DHX9: variants seen among roughly 807,000 people sequenced by gnomAD.
DHX9 encodes ATP-dependent RNA helicase A.
DHX9 carries 27 observed loss-of-function variants against 148.7 expected under a neutral mutation model. The ratio of observed to expected loss-of-function variants is 0.18; its 90% CI spans 0.13 to 0.25. DHX9 has a LOEUF of 0.25. Among genes scored for constraint, DHX9 ranks in the 10% least tolerant of loss-of-function variants. DHX9 has a pLI of 1.00. For synonymous variants in DHX9, 529 were observed against 516.6 expected (o/e 1.02, Z -0.33); for missense variants, 796 against 1,559.6 (o/e 0.51, Z 8.25).
chr1:182,884,670 C>A lies in DHX9; in HGVS notation c.3318C>A (p.Ala1106=). The stretch of plus-strand genomic sequence containing the variant: ...CCTGTATCACTGGTCTCCGGGCAGC[C>A]ATGGAGGCTTTGGTTGTTGAAGTAA... ...AAACITGLRA[A]MEALVVEVTK... The change falls in exon 27 of 28, where the codon GCC becomes GCA. Residue 1106 remains alanine, a synonymous_variant. Coordinates refer to ENST00000367549, the MANE Select transcript of DHX9 (RefSeq NM_001357.5). The A allele has an allele frequency of 1.2e-6, 2 of 1,614,120 alleles. No homozygotes were observed. Among genetic ancestry groups the A allele is most frequent in the Non-Finnish European group, 1.7e-6 (2 of 1,180,022 alleles).
At chr1:182,851,591 T>C (rs563005315) in intron 3 of DHX9, among the ~76,000 whole-genome samples, 1 of 152,294 alleles carries the variant, frequency 6.6e-6, no homozygotes, top group South Asian at 2.1e-4. Context: ...GTTCATCCCA[T>C]CTAGTTAAGG....
At chr1:182,873,263 C>A (rs1204011062) in intron 15 of DHX9, among the ~76,000 whole-genome samples, 1 of 152,130 alleles carries the variant, frequency 6.6e-6, no homozygotes, top group Admixed American at 6.5e-5. Flanking sequence ...GCCTTCTTTA[C>A]TGTCTTTAGG....
At chr1:182,852,031 C>T (rs1331881367) in intron 3 of DHX9, among the ~76,000 whole-genome samples, 1 of 152,074 alleles carries the variant, frequency 6.6e-6, no homozygotes, top group Non-Finnish European at 1.5e-5. Flanking sequence ...ACAGGTTGTT[C>T]CCAGTGGATT....
At chr1:182,856,504 C>G (rs551876942) in intron 6 of DHX9, 28 bp from the exon 7 acceptor site, 2 of 1,610,138 alleles carry the variant, frequency 1.2e-6, no homozygotes, top group Non-Finnish European at 1.7e-6. Context: ...AGTGAAATTT[C>G]TAACCTTGCT....
rs756348781 is a variant in DHX9, at chr1:182,887,366, C to T, written c.3745C>T (p.Arg1249Ter). Residue 1249 changes from arginine (R) to a stop codon, truncating the protein, a stop_gained, in exon 28 of 28, where the codon CGA (arginine) becomes TGA (stop). Transcript: ENST00000367549. LOFTEE classifies it high-confidence loss of function. Reference sequence around the variant, plus strand: ...CTACAGAGGATCTGGGGGATTCCAGCGAGGAGGTGGTAGGGGGGCCTATGG... The same window carrying T: ...CTACAGAGGATCTGGGGGATTCCAGTGAGGAGGTGGTAGGGGGGCCTATGG... Reference protein sequence around the residue: ...GGYRGSGGFQRGGGRGAYGTG... With the variant: ...GGYRGSGGFQ 5 of 1,613,564 alleles carry T rather than the reference C, an allele frequency of 3.1e-6. No homozygotes were observed. Among genetic ancestry groups the T allele is most frequent in the Non-Finnish European group, 4.2e-6 (5 of 1,179,940 alleles).
intron 14 of DHX9, among the ~76,000 whole-genome samples, chr1:182,867,798 A>T (rs1388197019): frequency 6.6e-6 from 1 of 152,178 alleles, no homozygotes; most frequent in African/African-American, 2.4e-5. Context: ...AAGAAACTAG[A>T]ATTTATTTCC....
chr1:182,859,124 C>G lies in DHX9; in HGVS notation c.1140+7C>G, dbSNP rs1668308764. 10 of 1,612,382 alleles carry G rather than the reference C, an allele frequency of 6.2e-6. No homozygotes were observed. The highest frequency in any genetic ancestry group is 8.5e-6 in the Non-Finnish European group (10 of 1,178,612). On this transcript the variant is annotated splice_region_variant and intron_variant, in intron 11 of 27. Transcript: ENST00000367549. ...GGATCATGATTTGCAAGCAGTAAGT[C>G]TGAATTATTTAGACAAGTAGTGCTC...
chr1:182,858,703 T>C, intron 9 of DHX9, 30 bp from the exon 10 acceptor site: 1 of 1,612,860 alleles, frequency 6.2e-7, no homozygotes, highest in Non-Finnish European at 8.5e-7. Flanking sequence ...CAAATCATAT[T>C]TTTTGTTTGT....
chr1:182,880,615 G>A lies in DHX9; in HGVS notation c.2624+7G>A, dbSNP rs373611876. The A allele has an allele frequency of 2.8e-5, 43 of 1,562,920 alleles. No individual in the cohort carries two copies. Among genetic ancestry groups the A allele is most frequent in the Non-Finnish European group, 3.6e-5 (41 of 1,134,814 alleles). ...TAATGGGGTGTATTTTCTAGTAAGTGCTTTGTTTTATTTCTCTTCGTTAAG... is the reference window on the plus strand; with the variant it reads ...TAATGGGGTGTATTTTCTAGTAAGTACTTTGTTTTATTTCTCTTCGTTAAG... On this transcript the variant is annotated splice_region_variant and intron_variant, in intron 22 of 27. Transcript: ENST00000367549.
chr1:182,864,623 G>A (rs1241775263), intron 12 of DHX9, among the ~76,000 whole-genome samples: 3 of 152,192 alleles, frequency 2.0e-5, no homozygotes, highest in African/African-American at 7.2e-5. Flanking sequence ...GGCTATTGAG[G>A]AAACTGGAAG....
intron 12 of DHX9, among the ~76,000 whole-genome samples, chr1:182,863,069 G>C (rs1648059023): frequency 6.6e-6 from 1 of 152,182 alleles, no homozygotes; most frequent in Non-Finnish European, 1.5e-5. Context: ...CACATATCTG[G>C]AGGACAGTTG....
intron 14 of DHX9, among the ~76,000 whole-genome samples, chr1:182,869,698 C>T (rs1648477980): frequency 1.3e-5 from 2 of 152,228 alleles, no homozygotes; most frequent in African/African-American, 4.8e-5. Flanking sequence ...GCAACCTCCG[C>T]CCCTGAGTTC....
intron 14 of DHX9, among the ~76,000 whole-genome samples, chr1:182,867,360 G>A (rs541949493): frequency 7.9e-5 from 12 of 152,112 alleles, no homozygotes; most frequent in African/African-American, 2.4e-4. Context: ...TTTATGATTC[G>A]TTTTTCTTTG....
Position 182,858,782 on chromosome 1 carries a change from A to C in DHX9, c.950A>C (p.Gln317Pro). Residue 317 changes from glutamine to proline, a missense_variant, in exon 10 of 28, where the codon CAG becomes CCG. Physicochemically the swap from Gln to Pro is moderately conservative, Grantham distance 76 (BLOSUM62 -1). Transcript: ENST00000367549. ...PVALNIGKLA[Q>P]FEPSQRQNQV... ...GCACTCAACATTGGCAAATTGGCTCAGTTCGAACCATCTCAGCGACAAAAC... is the reference window on the plus strand; with the variant it reads ...GCACTCAACATTGGCAAATTGGCTCCGTTCGAACCATCTCAGCGACAAAAC... 6.2e-7 allele frequency: 1 copy of C among 1,614,182 alleles called. No individual in the cohort carries two copies. The highest frequency in any genetic ancestry group is 8.5e-7 in the Non-Finnish European group (1 of 1,180,032).
In DHX9 at chr1:182,873,654, A is replaced by G. The variant is rs543083710; in HGVS notation, c.1714+1161A>G. Among the ~76,000 whole-genome samples the G allele has an allele frequency of 9.8e-5, 15 of 152,348 alleles. No homozygotes were observed. In the South Asian group the frequency reaches 3.1e-3, roughly 32 times the overall value. On this transcript the variant is annotated intron_variant, in intron 15 of 27. Coordinates refer to ENST00000367549, the MANE Select transcript of DHX9 (RefSeq NM_001357.5). ...AATGGAGGTACAAATGGATAGGTAT[A>G]GAAATAATTATAGATAGGTGTGGAT...
At chr1:182,847,062 C>T (rs1668045058) in intron 3 of DHX9, among the ~76,000 whole-genome samples, 1 of 152,072 alleles carries the variant, frequency 6.6e-6, no homozygotes, top group Admixed American at 6.5e-5. Flanking sequence ...TTATTCTTTT[C>T]TGTATGTTTT....
chr1:182,880,486 T>C lies in DHX9; in HGVS notation c.2513-11T>C. 6.4e-7 allele frequency: 1 copy of C among 1,572,906 alleles called. No homozygotes were observed. Among genetic ancestry groups the C allele is most frequent in the Non-Finnish European group, 8.7e-7 (1 of 1,145,418 alleles). On this transcript the variant is annotated splice_polypyrimidine_tract_variant and intron_variant, in intron 21 of 27. Coordinates refer to ENST00000367549, the MANE Select transcript of DHX9 (RefSeq NM_001357.5). Reference sequence around the variant, plus strand: ...ATTTGTTTCTGCTCACAAAGAACTATCTCCCCACAGAGCTTGATGCATTAG... The same window carrying C: ...ATTTGTTTCTGCTCACAAAGAACTACCTCCCCACAGAGCTTGATGCATTAG...
At chr1:182,856,623 A>ACT in intron 7 of DHX9, 45 bp downstream of exon 7, 1 of 1,567,302 alleles carries the variant, frequency 6.4e-7, no homozygotes, top group Non-Finnish European at 8.8e-7. Context: ...CTGTATAGAG[A>ACT]AGGAATCTTC....
At chr1:182,873,210 C>T (rs374322007) in intron 15 of DHX9, among the ~76,000 whole-genome samples, 30 of 152,212 alleles carry the variant, frequency 2.0e-4, no homozygotes, top group African/African-American at 7.0e-4. Context: ...CCTGCCTCAG[C>T]CTCCCAAAGT....
Sources: gnomAD v4.1 joint callset for allele counts (sites outside exome capture counted in the v4.1 genomes callset) on GRCh38, gnomAD v4.1.1 for gene constraint, MANE v1.5 for transcripts, NCBI Gene and HGNC (gene_info 2026-07-23, HGNC 2026-07-21) for gene names.